Variants in FBXL17 observed in about 807,000 individuals in gnomAD.
FBXL17 encodes F-box and leucine rich repeat protein 17.
Under a neutral mutation model 66.2 loss-of-function variants are expected in FBXL17, and 22 were observed. The ratio of observed to expected loss-of-function variants is 0.33; its 90% confidence interval spans 0.24 to 0.47. The LOEUF (loss-of-function observed/expected upper bound fraction) is 0.47, where lower values mean the gene tolerates loss of function less well. Ranked by LOEUF, FBXL17 falls within the 20% of genes least tolerant of loss-of-function variation. The probability of loss-of-function intolerance (pLI) is 1.00; values close to 1 mark genes in which losing one functional copy is unlikely to be tolerated. For missense variants in FBXL17, 878 were observed against 948.2 expected (o/e 0.93, Z 0.97); for synonymous variants, 474 against 400.5 (o/e 1.18, Z -2.19).
intron 4 of FBXL17, among the ~76,000 whole-genome samples, chr5:108,265,403 ATAC>A (rs1203740972): frequency 6.6e-6 from 1 of 152,160 alleles, no homozygotes; most frequent in Non-Finnish European, 1.5e-5. Context: ...ACCATTGCAA[ATAC>A]TACTTACTGT....
chr5:108,287,788 T>C (rs958473865), intron 4 of FBXL17, among the ~76,000 whole-genome samples: 1 of 151,954 alleles, frequency 6.6e-6, no homozygotes, highest in Non-Finnish European at 1.5e-5. Context: ...GAAATGTAAG[T>C]CATTCTACCC....
At chr5:108,203,380 T>C (rs1753981145) in intron 5 of FBXL17, among the ~76,000 whole-genome samples, 1 of 152,142 alleles carries the variant, frequency 6.6e-6, no homozygotes, top group Admixed American at 6.6e-5. Context: ...AATAAATGCG[T>C]TGCTGGCCTT....
In FBXL17 at chr5:107,859,455, G is replaced by A. The variant is rs976265102; in HGVS notation, c.*2265C>T. 2.4e-5 allele frequency: 3 copies of A among 122,518 alleles called. No homozygotes were observed. Among genetic ancestry groups the A allele is most frequent in the Non-Finnish European group, 4.9e-5 (3 of 61,396 alleles). 7.6% of individuals were successfully genotyped at this position (122,518 alleles called of 1,614,324 possible). A position where few individuals can be genotyped will look rare whatever the true frequency, so the allele number is the denominator to read the frequency against. ...TTGAGGCTGGATATGGTATTTCTAC[G>A]GATTTCTACAAATGTACCAAAGCAG... On this transcript the variant is annotated 3_prime_UTR_variant, in exon 9 of 9. Coordinates refer to ENST00000542267, the MANE Select transcript of FBXL17 (RefSeq NM_001163315.3).
intron 6 of FBXL17, among the ~76,000 whole-genome samples, chr5:108,047,213 G>A (rs1202701507): frequency 1.3e-5 from 2 of 152,330 alleles, no homozygotes; most frequent in African/African-American, 2.4e-5. Context: ...AGAGCCACAC[G>A]GGGCAGGGGA....
chr5:108,009,963 G>A (rs1322784254), intron 7 of FBXL17, among the ~76,000 whole-genome samples: 2 of 152,130 alleles, frequency 1.3e-5, no homozygotes, highest in African/African-American at 4.8e-5. Context: ...TTGTACCGAG[G>A]AAATCTACCG....
chr5:108,227,817 G>A (rs1232281062), intron 4 of FBXL17, among the ~76,000 whole-genome samples: 5 of 152,138 alleles, frequency 3.3e-5, no homozygotes, highest in Non-Finnish European at 7.3e-5. Flanking sequence ...GCATTCTAAA[G>A]GCATTATGTT....
At chr5:107,928,687 T>C (rs1409268195) in intron 7 of FBXL17, among the ~76,000 whole-genome samples, 2 of 152,114 alleles carry the variant, frequency 1.3e-5, no homozygotes, top group East Asian at 1.9e-4. Flanking sequence ...GTAGTGGTTT[T>C]AACAGGATTA....
At chr5:107,989,221 A>G (rs1016464380) in intron 7 of FBXL17, among the ~76,000 whole-genome samples, 2 of 152,068 alleles carry the variant, frequency 1.3e-5, no homozygotes, top group African/African-American at 4.8e-5. Flanking sequence ...TATGCTATCA[A>G]ACAATACCAC....
intron 4 of FBXL17, among the ~76,000 whole-genome samples, chr5:108,249,417 T>C (rs902309173): frequency 1.3e-5 from 2 of 152,202 alleles, no homozygotes; most frequent in African/African-American, 4.8e-5. Flanking sequence ...ATTTACTATC[T>C]GGTCAAACAA....
At chr5:108,290,394 G>A (rs139704858) in intron 4 of FBXL17, among the ~76,000 whole-genome samples, 8 of 152,204 alleles carry the variant, frequency 5.3e-5, no homozygotes, top group East Asian at 3.9e-4. Context: ...CCCATGTCTC[G>A]TGATCACACT....
chr5:108,351,497 C>T (rs773431655), intron 3 of FBXL17, among the ~76,000 whole-genome samples: 2 of 152,090 alleles, frequency 1.3e-5, no homozygotes, highest in Non-Finnish European at 2.9e-5. Flanking sequence ...TACTTCTTCC[C>T]CTTGTGAATA....
intron 6 of FBXL17, among the ~76,000 whole-genome samples, chr5:108,052,818 A>G (rs1747535532): frequency 6.6e-6 from 1 of 152,238 alleles, no homozygotes; most frequent in African/African-American, 2.4e-5. Context: ...CACAGCAACC[A>G]AAACAGCATG....
chr5:108,110,745 T>C (rs1460230925), intron 6 of FBXL17, among the ~76,000 whole-genome samples: 1 of 151,196 alleles, frequency 6.6e-6, no homozygotes, highest in Non-Finnish European at 1.5e-5. Flanking sequence ...TATATTAGCA[T>C]GCAAAAAAAA....
chr5:108,381,819 CGCACACACGG>C lies in FBXL17; in HGVS notation c.-138_-129del, dbSNP rs1219195451. Reference sequence around the variant, plus strand: ...GGGTCGCCCTTCCTGCGCACACACACGCACACACGGGCACACACGCGACGGTGGGGGGTGG... The same window carrying C: ...GGGTCGCCCTTCCTGCGCACACACACGCACACACGCGACGGTGGGGGGTGG... On this transcript the variant is annotated 5_prime_UTR_variant, in exon 1 of 9. Transcript: ENST00000542267. 2.2e-5 allele frequency: 30 copies of C among 1,336,930 alleles called. No individual in the cohort carries two copies. The highest frequency in any genetic ancestry group is 9.3e-5 in the African/African-American group (6 of 64,852). 82.8% of individuals were successfully genotyped at this position (1,336,930 alleles called of 1,614,324 possible).
At chr5:108,327,577 T>A (rs1156409413) in intron 4 of FBXL17, among the ~76,000 whole-genome samples, 1 of 152,170 alleles carries the variant, frequency 6.6e-6, no homozygotes, top group Non-Finnish European at 1.5e-5. Context: ...GATATGTTAC[T>A]AGGAGTAAAA....
At chr5:108,154,998 TTCCTC>T (rs1334649900) in intron 6 of FBXL17, among the ~76,000 whole-genome samples, 1 of 152,104 alleles carries the variant, frequency 6.6e-6, no homozygotes, top group African/African-American at 2.4e-5. Flanking sequence ...ATTTGCCACT[TTCCTC>T]TAACTACCAG....
rs78464360 is a variant in FBXL17 at position 108,231,831 on chromosome 5, A to G, written c.1507-7603T>C. ...CCATACAGGATACAGGAATGCATGGAGTACAGGAGATCCATTAGGGCTTCT... is the reference window on the plus strand; with the variant it reads ...CCATACAGGATACAGGAATGCATGGGGTACAGGAGATCCATTAGGGCTTCT... On this transcript the variant is annotated intron_variant, in intron 4 of 8. Transcript: ENST00000542267. Among the ~76,000 whole-genome samples the G allele has an allele frequency of 1.2e-3, 182 of 152,322 alleles. 3 individuals carry two copies. The East Asian group carries it at 0.032, about 27-fold the overall frequency.
intron 6 of FBXL17, among the ~76,000 whole-genome samples, chr5:108,161,504 A>AAAT (rs1335103933): frequency 1.3e-5 from 2 of 151,908 alleles, no homozygotes; most frequent in South Asian, 4.2e-4. Context: ...AAACAAAAAA[A>AAAT]CCCACACAAA....
chr5:108,097,891 G>A (rs561896719), intron 6 of FBXL17, among the ~76,000 whole-genome samples: 1 of 151,506 alleles, frequency 6.6e-6, no homozygotes, highest in South Asian at 2.1e-4. Context: ...ATTTTATACT[G>A]TCTAACAGGT....
Sources: allele counts gnomAD v4.1 joint callset (sites outside exome capture counted in the v4.1 genomes callset), GRCh38; gene constraint gnomAD v4.1.1; transcripts MANE v1.5; gene names NCBI Gene and HGNC (gene_info 2026-07-23, HGNC 2026-07-21).